Variants in TRPC4AP observed in about 807,000 individuals in gnomAD.
The protein encoded by TRPC4AP is transient receptor potential cation channel subfamily C member 4 associated protein, also known as short transient receptor potential channel 4-associated protein.
TRPC4AP carries 45 observed loss-of-function variants against 99.0 expected under a neutral mutation model. The observed-to-expected ratio is 0.45, with a 90% CI of 0.36 to 0.58. The LOEUF (loss-of-function observed/expected upper bound fraction) is 0.58, where lower values mean the gene tolerates loss of function less well. TRPC4AP is among the 20% of genes least tolerant of loss of function. TRPC4AP has a pLI of 0.00. For synonymous variants in TRPC4AP, 408 were observed against 385.8 expected, an observed-to-expected ratio of 1.06 and a Z score of -0.67; for missense variants, 879 against 985.3, an observed-to-expected ratio of 0.89 and a Z score of 1.44.
At chr20:35,046,203 T>C (rs1245112792) in intron 6 of TRPC4AP, among the ~76,000 whole-genome samples, 1 of 152,238 alleles carries the variant, frequency 6.6e-6, no homozygotes, top group Non-Finnish European at 1.5e-5. Flanking sequence ...TTTTAATAAA[T>C]ACCCTATATA....
rs1404261717 is a variant in TRPC4AP, at chr20:35,006,509, G to A, written c.1753C>T (p.Leu585Phe). ...TTGAACTTCATCAGCTCCCCCAGGA[G>A]GTCAAAGTAACTCTGGAGCACATCC... is the stretch of plus-strand genomic sequence containing the variant. ...SRDVLQSYFD[L>F]LGELMKFNVD... Residue 585 changes from leucine (L) to phenylalanine (F), a missense_variant, in exon 15 of 19, where the codon CTC (leucine) becomes TTC (phenylalanine). Leu to Phe is a conservative substitution (Grantham distance 22). This residue lies in a region of TRPC4AP where 52 missense variants were observed against 88.7 expected (regional missense o/e 0.59). Transcript: ENST00000252015. 1.9e-6 allele frequency: 3 copies of A among 1,614,194 alleles called. No individual in the cohort carries two copies. Among genetic ancestry groups the A allele is most frequent in the Non-Finnish European group, 2.5e-6 (3 of 1,180,020 alleles).
Position 35,008,696 on chromosome 20 carries a change from G to A in TRPC4AP, c.1563C>T (p.Val521=). ...ACGACTCTGCTGGCTCCTTCTTCAT[G>A]ACCTGCAGCAGACGAGTTAATAAGC... The part of the protein sequence containing the change: ...KRGLLTRLLQ[V]MKKEPAESSF... The change falls in exon 13 of 19, where the codon GTC becomes GTT. Residue 521 remains valine, a synonymous_variant. Transcript: ENST00000252015. The A allele has an allele frequency of 6.2e-7, 1 of 1,613,972 alleles. No homozygotes were observed. The highest frequency in any genetic ancestry group is 8.5e-7 in the Non-Finnish European group (1 of 1,179,950).
chr20:35,031,463 T>A (rs1490168978), intron 8 of TRPC4AP, among the ~76,000 whole-genome samples: 1 of 143,708 alleles, frequency 7.0e-6, no homozygotes, highest in Admixed American at 7.3e-5. Flanking sequence ...CTTGAACTCC[T>A]GAGCTCAAGC....
chr20:35,072,058 T>G (rs186529653), intron 2 of TRPC4AP, among the ~76,000 whole-genome samples: 8 of 152,288 alleles, frequency 5.3e-5, no homozygotes, highest in African/African-American at 1.9e-4. Flanking sequence ...TTTTTTCCTG[T>G]GTCTGTTGGC....
chr20:35,053,648 A>G (rs991362598), intron 5 of TRPC4AP, among the ~76,000 whole-genome samples: 1 of 152,222 alleles, frequency 6.6e-6, no homozygotes, highest in Non-Finnish European at 1.5e-5. Context: ...CTGGGTGTTC[A>G]AACAAGAGGA....
At chr20:35,037,346 CAAAAAA>C (rs71196778) in intron 7 of TRPC4AP, among the ~76,000 whole-genome samples, 1 of 78,964 alleles carries the variant, frequency 1.3e-5, no homozygotes, top group Non-Finnish European at 2.4e-5. Context: ...GACTCTGTCT[CAAAAAA>C]AAAAAAAAAA....
intron 7 of TRPC4AP, 70 bp downstream of exon 7, chr20:35,044,435 A>G: frequency 1.4e-6 from 2 of 1,440,448 alleles, no homozygotes; most frequent in South Asian, 2.6e-5. Flanking sequence ...AGAAAAAGAA[A>G]AAAAACTAGA....
intron 7 of TRPC4AP, 62 bp from the exon 8 acceptor site, chr20:35,035,370 A>C: frequency 6.6e-7 from 1 of 1,523,456 alleles, no homozygotes; most frequent in Non-Finnish European, 8.9e-7. Context: ...CTACCCCTAA[A>C]GCCCTAACAA....
chr20:35,015,718 G>C (rs2082739143), intron 10 of TRPC4AP, among the ~76,000 whole-genome samples: 1 of 152,022 alleles, frequency 6.6e-6, no homozygotes, highest in Non-Finnish European at 1.5e-5. Flanking sequence ...TGTAACTCTT[G>C]ACCTCAAGTG....
At chr20:35,003,385 A>ACC in intron 18 of TRPC4AP, 25 bp downstream of exon 18, 2 of 1,535,640 alleles carry the variant, frequency 1.3e-6, no homozygotes, top group South Asian at 1.1e-5. Context: ...CCCACCCATC[A>ACC]CCCCCTTGAG....
chr20:35,063,595 G>A (rs533966646), intron 3 of TRPC4AP, among the ~76,000 whole-genome samples: 2 of 152,006 alleles, frequency 1.3e-5, no homozygotes, highest in South Asian at 2.1e-4. Flanking sequence ...AGGGTGGCTC[G>A]TGCCTATAAT....
intron 3 of TRPC4AP, among the ~76,000 whole-genome samples, chr20:35,064,848 T>C (rs1008280592): frequency 6.6e-6 from 1 of 152,244 alleles, no homozygotes; most frequent in Non-Finnish European, 1.5e-5. Context: ...CTTCATAAAA[T>C]TCAACAAAAT....
intron 2 of TRPC4AP, among the ~76,000 whole-genome samples, chr20:35,069,771 T>C (rs2084255851): frequency 2.0e-5 from 3 of 151,946 alleles, no homozygotes; most frequent in South Asian, 4.1e-4. Context: ...CAAAACCCCA[T>C]CTCTACTAAA....
In TRPC4AP at chr20:35,092,633, C is replaced by A. The variant is rs1451238109; in HGVS notation, c.149G>T (p.Gly50Val). 7.3e-6 allele frequency: 11 copies of A among 1,514,660 alleles called. No homozygotes were observed. Among genetic ancestry groups the A allele is most frequent in the Admixed American group, 2.0e-5 (1 of 49,578 alleles). 93.8% of individuals were successfully genotyped at this position (1,514,660 alleles called of 1,614,324 possible). ...QLRQGQLTGR[G>V]LVRAVQFTET... ...TCGTACCTGCACCGCCCGGACCAGG[C>A]CCCGGCCGGTCAGCTGGCCCTGCCG... Residue 50 changes from glycine to valine, a missense_variant, in exon 1 of 19, where the codon GGC (glycine) becomes GTC (valine). Around this residue, in one of 3 missense-constraint regions of TRPC4AP, gnomAD observed 603 missense variants for 631.8 expected, o/e 0.95. Transcript: ENST00000252015.
Position 35,006,591 on chromosome 20 carries a change from CAG to C in TRPC4AP, c.1687-18_1687-17del, listed in dbSNP as rs1423751991. 3 of 1,611,894 alleles carry C rather than the reference CAG, an allele frequency of 1.9e-6. No homozygotes were observed. Among genetic ancestry groups the C allele is most frequent in the Non-Finnish European group, 1.7e-6 (2 of 1,178,536 alleles). On this transcript the variant is annotated splice_polypyrimidine_tract_variant and intron_variant, in intron 14 of 18. Coordinates refer to ENST00000252015, the MANE Select transcript of TRPC4AP (RefSeq NM_015638.3). ...AAAGGATGTGCTGGGTGAGGAGGGA[CAG>C]GGTGAAGGTGTCAACGTGGCTGCCC... is the stretch of plus-strand genomic sequence containing the variant.
intron 2 of TRPC4AP, 107 bp downstream of exon 2, chr20:35,077,938 TA>T: frequency 7.6e-7 from 1 of 1,307,318 alleles, no homozygotes. Flanking sequence ...GCTCACACAG[TA>T]AAAACAGGCT....
intron 1 of TRPC4AP, among the ~76,000 whole-genome samples, chr20:35,083,839 C>T (rs991672411): frequency 2.0e-5 from 3 of 151,680 alleles, no homozygotes; most frequent in African/African-American, 7.3e-5. Flanking sequence ...AAGAAAAATG[C>T]TCTGGATTTG....
intron 8 of TRPC4AP, among the ~76,000 whole-genome samples, chr20:35,022,581 C>T (rs921386001): frequency 1.3e-5 from 2 of 152,114 alleles, no homozygotes; most frequent in African/African-American, 4.8e-5. Context: ...CTGCCAAGGT[C>T]CTCTCAAGTT....
At chr20:35,075,135 T>A (rs2084438369) in intron 2 of TRPC4AP, among the ~76,000 whole-genome samples, 1 of 152,156 alleles carries the variant, frequency 6.6e-6, no homozygotes, top group South Asian at 2.1e-4. Context: ...CATCCCTTTA[T>A]TTTGAGCCTA....
Sources: gnomAD v4.1 joint callset for allele counts (sites outside exome capture counted in the v4.1 genomes callset) on GRCh38, gnomAD v4.1.1 for gene constraint, gnomAD v4.1.1 regional missense constraint, MANE v1.5 for transcripts, NCBI Gene and HGNC (gene_info 2026-07-23, HGNC 2026-07-21) for gene names.